Variants in SDC4 observed in about 807,000 individuals in gnomAD.
SDC4 encodes syndecan-4.
In SDC4, 17 loss-of-function variants were observed where a neutral mutation model predicts 20.5. The ratio of observed to expected loss-of-function variants is 0.83; its 90% CI spans 0.57 to 1.25. The LOEUF is 1.25. Ranked by LOEUF, SDC4 falls within the 50% of genes most tolerant of loss-of-function variation. SDC4 has a pLI of 0.00. For missense variants in SDC4, 241 were observed against 252.3 expected (o/e 0.96, Z 0.30); for synonymous variants, 107 against 105.3 (o/e 1.02, Z -0.10).
chr20:45,340,284 C>T (rs1484318544), intron 1 of SDC4, among the ~76,000 whole-genome samples: 1 of 152,194 alleles, frequency 6.6e-6, no homozygotes, highest in Non-Finnish European at 1.5e-5. Context: ...TTTGTTTATA[C>T]AAGTTCATTT....
At chr20:45,348,213 G>A (rs2145720086) in intron 1 of SDC4, 112 bp downstream of exon 1, 1 of 1,013,600 alleles carries the variant, frequency 9.9e-7, no homozygotes, top group Non-Finnish European at 1.5e-6. Flanking sequence ...GTGTCCGGTT[G>A]GGGGTAGCGT....
intron 1 of SDC4, among the ~76,000 whole-genome samples, chr20:45,340,974 G>A (rs1462834369): frequency 6.6e-6 from 1 of 152,208 alleles, no homozygotes; most frequent in Non-Finnish European, 1.5e-5. Context: ...TGTGCATCAA[G>A]GCAGATTCAC....
intron 4 of SDC4, 59 bp downstream of exon 4, chr20:45,330,307 C>T: frequency 6.6e-7 from 1 of 1,507,702 alleles, no homozygotes; most frequent in Non-Finnish European, 9.2e-7. Context: ...TGCAGGTGCT[C>T]TCCCCCGCTG....
At chr20:45,330,949 G>T (rs537533964) in intron 3 of SDC4, among the ~76,000 whole-genome samples, 3 of 152,210 alleles carry the variant, frequency 2.0e-5, no homozygotes, top group Non-Finnish European at 4.4e-5. Context: ...CAGAGACTAC[G>T]TGTAAAAGAT....
chr20:45,337,986 G>A (rs532959472), intron 1 of SDC4, among the ~76,000 whole-genome samples: 14 of 152,334 alleles, frequency 9.2e-5, no homozygotes, highest in Middle Eastern at 3.4e-3. Flanking sequence ...CACATAGCCC[G>A]TGCCTGTGGC....
At chr20:45,335,736 C>T (rs1456400652) in intron 2 of SDC4, 46 bp downstream of exon 2, 4 of 1,588,748 alleles carry the variant, frequency 2.5e-6, no homozygotes, top group South Asian at 2.2e-5. Flanking sequence ...GAAGCCACCA[C>T]TCCCTCCAGC....
At position 45,327,440 on chromosome 20, in the gene SDC4, CG is replaced by C. The variant is rs753534088; in HGVS notation, c.446-26del. On this transcript the variant is annotated intron_variant, in intron 4 of 4. Transcript: ENST00000372733. ...GCTGGAGAGGAGGAGAGAGAAGAGG[CG>C]GGGGTGAGAGCTCCTCATCAGGACC... The C allele has an allele frequency of 1.9e-6, 3 of 1,606,096 alleles. No individual in the cohort carries two copies. The Admixed American group carries it at 5.0e-5, about 27-fold the overall frequency.
At position 45,326,796 on chromosome 20, in the gene SDC4, C is replaced by T. The variant is rs1987697551; in HGVS notation, c.*468G>A. On this transcript the variant is annotated 3_prime_UTR_variant, in exon 5 of 5. Transcript: ENST00000372733. The stretch of plus-strand genomic sequence containing the variant: ...CACAAGTACCCATTTACAGAAACAT[C>T]TCAAGGTGCAGGTGGTTCTAGTTCC... 1 of 154,224 alleles carries T rather than the reference C, an allele frequency of 6.5e-6. No homozygotes were observed. Among genetic ancestry groups the T allele is most frequent in the African/African-American group, 2.4e-5 (1 of 41,478 alleles). 9.6% of individuals were successfully genotyped at this position (154,224 alleles called of 1,614,324 possible).
intron 1 of SDC4, among the ~76,000 whole-genome samples, chr20:45,338,760 C>A (rs371475744): frequency 6.6e-6 from 1 of 152,176 alleles, no homozygotes; most frequent in African/African-American, 2.4e-5. Flanking sequence ...ACCTGTTCAT[C>A]CTTAACCCTT....
intron 1 of SDC4, among the ~76,000 whole-genome samples, chr20:45,346,930 A>C (rs898606993): frequency 3.9e-5 from 6 of 152,188 alleles, no homozygotes; most frequent in African/African-American, 1.4e-4. Flanking sequence ...CCTAAATTTC[A>C]ATCTGACTCA....
intron 1 of SDC4, among the ~76,000 whole-genome samples, chr20:45,338,964 C>G (rs985266397): frequency 1.3e-5 from 2 of 152,126 alleles, no homozygotes; most frequent in Non-Finnish European, 2.9e-5. Context: ...TTCCAGCTCC[C>G]AGTGGTGATA....
chr20:45,330,509 G>A lies in SDC4; in HGVS notation c.302C>T (p.Thr101Ile), dbSNP rs780238663. ...ATTCTCCTCTAGTTTCTTGGGTTCG[G>A]TGGGGACTTGGCTCCCAGACCCTGC... ...ERAGSGSQVP[T>I]EPKKLEENEV... is the part of the protein sequence containing the mutation. The change falls in exon 4 of 5, where the codon ACC becomes ATC. Residue 101 changes from threonine to isoleucine, a missense_variant. Physicochemically the swap from Thr to Ile is moderately conservative, Grantham distance 89. Transcript: ENST00000372733. 3 of 1,614,174 alleles carry A rather than the reference G, an allele frequency of 1.9e-6. No individual in the cohort carries two copies. The highest frequency in any genetic ancestry group is 2.5e-6 in the Non-Finnish European group (3 of 1,180,042).
rs370366606 is a variant in SDC4, at chr20:45,332,984, G to A, written c.246+39C>T. On this transcript the variant is annotated intron_variant, in intron 3 of 4. Transcript: ENST00000372733. ...CCTCTCCCAATAGGTCTGCTATAGAGGAGCAAAGTGGAAGAGGCAGAAGCA... is the reference window on the plus strand; with the variant it reads ...CCTCTCCCAATAGGTCTGCTATAGAAGAGCAAAGTGGAAGAGGCAGAAGCA... 2.5e-6 allele frequency: 4 copies of A among 1,598,652 alleles called. No homozygotes were observed. The African/African-American group carries it at 5.4e-5, about 21-fold the overall frequency.
chr20:45,334,526 G>A (rs1405934344), intron 2 of SDC4, among the ~76,000 whole-genome samples: 3 of 151,414 alleles, frequency 2.0e-5, no homozygotes, highest in African/African-American at 7.3e-5. Context: ...GTCTTGCTCT[G>A]TCACCAGGCT....
chr20:45,347,686 C>G (rs187881532), intron 1 of SDC4, among the ~76,000 whole-genome samples: 9 of 152,244 alleles, frequency 5.9e-5, no homozygotes, highest in Non-Finnish European at 1.0e-4. Context: ...GAGCAGAGTC[C>G]CCAACTTTCT....
At chr20:45,333,167 C>A in intron 2 of SDC4, 98 bp from the exon 3 acceptor site, 1 of 1,111,464 alleles carries the variant, frequency 9.0e-7, no homozygotes, top group Non-Finnish European at 1.4e-6. Context: ...CAACCAGCTT[C>A]CAAATGCTCA....
intron 1 of SDC4, among the ~76,000 whole-genome samples, chr20:45,346,858 G>C (rs1199931311): frequency 6.6e-6 from 1 of 152,172 alleles, no homozygotes; most frequent in South Asian, 2.1e-4. Flanking sequence ...CCAACGATGG[G>C]ACACCTGGAG....
chr20:45,331,776 A>G (rs1331795265), intron 3 of SDC4, among the ~76,000 whole-genome samples: 1 of 152,214 alleles, frequency 6.6e-6, no homozygotes, highest in African/African-American at 2.4e-5. Context: ...TAAAAAGGGG[A>G]GGAGCCCCTA....
intron 3 of SDC4, among the ~76,000 whole-genome samples, chr20:45,331,156 C>T (rs566453616): frequency 3.3e-5 from 5 of 152,104 alleles, no homozygotes; most frequent in African/African-American, 4.8e-5. Context: ...AGGGATGAGA[C>T]GGAGGAGACT....
Sources: allele counts gnomAD v4.1 joint callset (sites outside exome capture counted in the v4.1 genomes callset), GRCh38; gene constraint gnomAD v4.1.1; transcripts MANE v1.5; gene names NCBI Gene and HGNC (gene_info 2026-07-23, HGNC 2026-07-21).